The following GRAMD2B variants were observed in gnomAD, a reference collection of about 807,000 sequenced individuals.
GRAMD2B encodes the protein GRAM domain containing 2B, also known as GRAM domain-containing protein 2B.
Under a neutral mutation model 59.2 loss-of-function variants are expected in GRAMD2B, and 41 were observed. That is an observed-to-expected ratio of 0.69 (90% CI 0.54 to 0.90). The LOEUF (loss-of-function observed/expected upper bound fraction) is 0.90. Among genes scored for constraint, GRAMD2B ranks in the 40% least tolerant of loss-of-function variants. GRAMD2B has a pLI of 0.00. For synonymous variants in GRAMD2B, 161 were observed against 182.7 expected (o/e 0.88, Z 0.96); for missense variants, 424 against 500.5 (o/e 0.85, Z 1.46).
At position 126,472,283 on chromosome 5, in the gene GRAMD2B, A is replaced by G. The variant is rs1769740474; in HGVS notation, c.361A>G (p.Thr121Ala). The change falls in exon 4 of 14, where the codon ACG becomes GCG. Residue 121 changes from threonine (T) to alanine (A), a missense_variant. Thr to Ala is a moderately conservative substitution (Grantham distance 58, BLOSUM62 0). Transcript: ENST00000285689. ...HFHKLFLSVP[T>A]EEPLKQSFTC... ...TCACAAGTTGTTTCTTAGTGTCCCAACGGAGGAACCACTGAAGCAAAGTAA... is the reference window on the plus strand; with the variant it reads ...TCACAAGTTGTTTCTTAGTGTCCCAGCGGAGGAACCACTGAAGCAAAGTAA... 6.2e-7 allele frequency: 1 copy of G among 1,614,040 alleles called. No individual in the cohort carries two copies.
At chr5:126,363,310 A>C (rs565349372) in intron 1 of GRAMD2B, among the ~76,000 whole-genome samples, 1 of 152,304 alleles carries the variant, frequency 6.6e-6, no homozygotes, top group African/African-American at 2.4e-5. Context: ...TCAAAAACAA[A>C]AAAAAAAGAA....
intron 1 of GRAMD2B, among the ~76,000 whole-genome samples, chr5:126,406,114 C>A (rs1758243304): frequency 6.6e-6 from 1 of 151,826 alleles, no homozygotes; most frequent in Admixed American, 6.6e-5. Flanking sequence ...ATATTCGTGT[C>A]TAAAAGAAAA....
intron 1 of GRAMD2B, among the ~76,000 whole-genome samples, chr5:126,428,821 CA>C (rs1056465022): frequency 2.8e-4 from 42 of 152,146 alleles, no homozygotes; most frequent in African/African-American, 8.9e-4. Context: ...AAACGCAAAT[CA>C]AAACCACAAT....
At chr5:126,375,381 T>C (rs1174756132) in intron 1 of GRAMD2B, among the ~76,000 whole-genome samples, 1 of 152,050 alleles carries the variant, frequency 6.6e-6, no homozygotes, top group African/African-American at 2.4e-5. Flanking sequence ...TTTGTTTTTT[T>C]TTTTCGAGAT....
chr5:126,411,136 G>C (rs1220805611), intron 1 of GRAMD2B, among the ~76,000 whole-genome samples: 1 of 151,818 alleles, frequency 6.6e-6, no homozygotes, highest in African/African-American at 2.4e-5. Context: ...ATTTTTGTTT[G>C]TGTTGCAGTT....
intron 1 of GRAMD2B, among the ~76,000 whole-genome samples, chr5:126,398,018 A>ATT (rs70994864): frequency 1.2e-3 from 88 of 72,450 alleles, no homozygotes; most frequent in Admixed American, 1.7e-3. Context: ...TTGTTGGGAG[A>ATT]TTTTTTTTTT....
chr5:126,384,404 G>A (rs1045989656), intron 1 of GRAMD2B, among the ~76,000 whole-genome samples: 3 of 152,140 alleles, frequency 2.0e-5, no homozygotes, highest in Middle Eastern at 3.2e-3. Flanking sequence ...CCAATGCTTA[G>A]TGCAACAAAA....
At chr5:126,444,385 A>G (rs1561531012) in intron 1 of GRAMD2B, among the ~76,000 whole-genome samples, 1 of 152,210 alleles carries the variant, frequency 6.6e-6, no homozygotes, top group Admixed American at 6.5e-5. Flanking sequence ...AGGAGATGTT[A>G]TGAATTATTG....
chr5:126,414,104 G>A (rs1381874040), intron 1 of GRAMD2B, among the ~76,000 whole-genome samples: 1 of 152,142 alleles, frequency 6.6e-6, no homozygotes, highest in Non-Finnish European at 1.5e-5. Context: ...GACATCCAGT[G>A]CAGAAAAGTA....
chr5:126,369,361 T>C (rs1754625426), upstream of GRAMD2B, among the ~76,000 whole-genome samples: 4 of 152,176 alleles, frequency 2.6e-5, no homozygotes, highest in Admixed American at 2.0e-4. Flanking sequence ...TTTAACCTTT[T>C]AAAGATATAG....
chr5:126,361,984 A>G (rs1754241875), intron 1 of GRAMD2B, among the ~76,000 whole-genome samples: 1 of 152,212 alleles, frequency 6.6e-6, no homozygotes, highest in Non-Finnish European at 1.5e-5. Context: ...AATGCACACA[A>G]GCATGTTAAG....
intron 1 of GRAMD2B, among the ~76,000 whole-genome samples, chr5:126,428,793 C>T (rs1761044088): frequency 6.6e-6 from 1 of 152,160 alleles, no homozygotes; most frequent in Non-Finnish European, 1.5e-5. Context: ...AAAAGCTCTA[C>T]ATCACTAATC....
intron 1 of GRAMD2B, among the ~76,000 whole-genome samples, chr5:126,395,515 A>G (rs1241046647): frequency 6.6e-6 from 1 of 152,188 alleles, no homozygotes; most frequent in Non-Finnish European, 1.5e-5. Context: ...GGCTCCAGGC[A>G]ACACAAAATT....
At chr5:126,462,381 A>AC (rs1383459625) in intron 1 of GRAMD2B, 1 of 984,328 alleles carries the variant, frequency 1.0e-6, no homozygotes, top group African/African-American at 1.8e-5. Context: ...ACTCAAACAC[A>AC]CGCTAGCCTC....
At position 126,361,610 on chromosome 5, in the gene GRAMD2B, T is replaced by C. The variant is rs181141973; in HGVS notation, c.128+1151T>C. 2.2e-3 allele frequency among the ~76,000 whole-genome samples: 339 copies of C among 152,142 alleles called. 1 individual carries two copies. The highest frequency in any genetic ancestry group is 3.6e-3 in the Non-Finnish European group (246 of 68,002). On this transcript the variant is annotated intron_variant, in intron 1 of 13. Transcript: ENST00000513040. ...ATGAATAAATTCCCTCTGCTCCTCA[T>C]CTTCCATTTCTGAAAATCTAACAAG...
intron 1 of GRAMD2B, among the ~76,000 whole-genome samples, chr5:126,442,837 T>C (rs1408537386): frequency 6.6e-6 from 1 of 152,016 alleles, no homozygotes; most frequent in Admixed American, 6.6e-5. Flanking sequence ...CAAACACAGA[T>C]CATAGCAAAA....
chr5:126,367,297 A>G (rs984888346), upstream of GRAMD2B, among the ~76,000 whole-genome samples: 3 of 152,210 alleles, frequency 2.0e-5, no homozygotes, highest in African/African-American at 7.2e-5. Flanking sequence ...GCTTATTTGT[A>G]GAGAAAATCT....
chr5:126,489,286 TC>T (rs1773514944), intron 13 of GRAMD2B, among the ~76,000 whole-genome samples: 1 of 152,206 alleles, frequency 6.6e-6, no homozygotes, highest in African/African-American at 2.4e-5. Flanking sequence ...GGCTGACTGT[TC>T]CCATAGGTAA....
intron 1 of GRAMD2B, among the ~76,000 whole-genome samples, chr5:126,448,642 C>T (rs1283208024): frequency 1.3e-5 from 2 of 151,874 alleles, no homozygotes. Context: ...AGGCAGGAGG[C>T]ATTAAGGACC....
Sources: allele counts gnomAD v4.1 joint callset (sites outside exome capture counted in the v4.1 genomes callset), GRCh38; gene constraint gnomAD v4.1.1; transcripts MANE v1.5; gene names NCBI Gene and HGNC (gene_info 2026-07-23, HGNC 2026-07-21).